The following RPS6KA5 variants were observed in gnomAD, a reference collection of about 807,000 sequenced individuals.
RPS6KA5 encodes ribosomal protein S6 kinase alpha-5.
In RPS6KA5, 27 loss-of-function variants were observed where a neutral mutation model predicts 85.5. The observed-to-expected ratio is 0.32, with a 90% CI of 0.23 to 0.44. The LOEUF is 0.44. Among genes scored for constraint, RPS6KA5 ranks in the 20% least tolerant of loss-of-function variants. The pLI, the probability that RPS6KA5 is intolerant of heterozygous loss-of-function variation, is 1.00. For synonymous variants in RPS6KA5, 334 were observed against 348.2 expected (o/e 0.96, Z 0.46); for missense variants, 811 against 980.9 (o/e 0.83, Z 2.31).
At chr14:90,952,994 G>A (rs950374118) in intron 3 of RPS6KA5, among the ~76,000 whole-genome samples, 2 of 152,078 alleles carry the variant, frequency 1.3e-5, no homozygotes, top group African/African-American at 2.4e-5. Context: ...CTGTTTAATC[G>A]GCTTGTTTTT....
intron 3 of RPS6KA5, among the ~76,000 whole-genome samples, chr14:90,975,008 A>T (rs569606189): frequency 4.6e-5 from 7 of 152,316 alleles, no homozygotes; most frequent in African/African-American, 1.7e-4. Context: ...GATAAAACAC[A>T]CAGATAGACA....
At chr14:91,060,062 A>G (rs1367636381) in intron 1 of RPS6KA5, 1 of 985,290 alleles carries the variant, frequency 1.0e-6, no homozygotes, top group Non-Finnish European at 1.2e-6. Context: ...GGTGCGTGCC[A>G]CGGGCAGCGG....
chr14:90,976,349 C>T (rs1176103807), intron 3 of RPS6KA5, among the ~76,000 whole-genome samples: 1 of 151,962 alleles, frequency 6.6e-6, no homozygotes, highest in African/African-American at 2.4e-5. Flanking sequence ...AGTTTATTGT[C>T]AAGGGAGAAA....
In RPS6KA5 at chr14:91,060,534, G is replaced by A. The variant is rs1354621713; in HGVS notation, c.-100C>T. 1.6e-6 allele frequency: 2 copies of A among 1,224,616 alleles called. No homozygotes were observed. Among genetic ancestry groups the A allele is most frequent in the Non-Finnish European group, 2.1e-6 (2 of 975,156 alleles). The allele number at this position is 1,224,616 out of a possible 1,614,324, so 75.9% of individuals were successfully genotyped here. ...GCCGCTGCCGCGGCCCCAGGAGTCG[G>A]GGTGCGGCGGCTCCAGAACTCGGAC... On this transcript the variant is annotated 5_prime_UTR_variant, in exon 1 of 17. Coordinates refer to ENST00000614987, the MANE Select transcript of RPS6KA5 (RefSeq NM_004755.4).
At chr14:90,974,037 C>CAAAA (rs56212923) in intron 3 of RPS6KA5, among the ~76,000 whole-genome samples, 888 of 61,420 alleles carry the variant, frequency 0.014, 72 homozygotes, top group African/African-American at 0.051. Flanking sequence ...GACTCCATCT[C>CAAAA]AAAAAAAAAA....
At chr14:91,038,412 A>G (rs1453083283) in intron 1 of RPS6KA5, among the ~76,000 whole-genome samples, 2 of 152,228 alleles carry the variant, frequency 1.3e-5, no homozygotes. Context: ...GAGTAATACA[A>G]AATAGAAAAA....
intron 14 of RPS6KA5, among the ~76,000 whole-genome samples, chr14:90,885,176 C>A (rs1032191040): frequency 6.6e-6 from 1 of 150,912 alleles, no homozygotes; most frequent in Admixed American, 6.6e-5. Context: ...TCACCTCAGC[C>A]TGGGAGGTCG....
intron 5 of RPS6KA5, among the ~76,000 whole-genome samples, chr14:90,927,731 G>A (rs888080605): frequency 6.6e-6 from 1 of 151,900 alleles, no homozygotes; most frequent in African/African-American, 2.4e-5. Flanking sequence ...AGATCTTCAA[G>A]GAGAAATGGA....
intron 12 of RPS6KA5, among the ~76,000 whole-genome samples, chr14:90,895,758 C>T (rs997372683): frequency 3.9e-4 from 59 of 152,126 alleles, no homozygotes; most frequent in Admixed American, 3.8e-3. Flanking sequence ...GACATGGTGG[C>T]GCACGCCTAC....
intron 1 of RPS6KA5, among the ~76,000 whole-genome samples, chr14:91,027,752 G>A (rs2050160179): frequency 6.6e-6 from 1 of 152,160 alleles, no homozygotes; most frequent in Non-Finnish European, 1.5e-5. Flanking sequence ...ACTGCCAGTT[G>A]ATGAAGTAGT....
Position 91,059,245 on chromosome 14 carries a change from C to G in RPS6KA5, c.103+1087G>C, listed in dbSNP as rs561929815. Among the ~76,000 whole-genome samples, 6 of 142,434 alleles carry G rather than the reference C, an allele frequency of 4.2e-5. No homozygotes were observed. The South Asian group carries it at 6.7e-4, about 16-fold the overall frequency. The allele number at this position is 142,434 out of a possible 152,430, so 93.4% of individuals were successfully genotyped here. On this transcript the variant is annotated intron_variant, in intron 1 of 16. Coordinates refer to ENST00000614987, the MANE Select transcript of RPS6KA5 (RefSeq NM_004755.4). The stretch of plus-strand genomic sequence containing the variant: ...ATCCTAGCTACTCCGGAGGCTGAGG[C>G]AGGAGAATCGCTTGAACCCGGGAGG...
At chr14:91,052,656 C>G (rs1366443307) in intron 1 of RPS6KA5, among the ~76,000 whole-genome samples, 9 of 147,232 alleles carry the variant, frequency 6.1e-5, no homozygotes, top group African/African-American at 2.3e-4. Context: ...AACCCCGTCT[C>G]TACTAAAAGT....
intron 1 of RPS6KA5, among the ~76,000 whole-genome samples, chr14:91,030,187 G>T (rs1188298839): frequency 6.6e-6 from 1 of 152,148 alleles, no homozygotes; most frequent in African/African-American, 2.4e-5. Context: ...GGAAATGTCT[G>T]AAACGGATTT....
In RPS6KA5 at chr14:90,852,187, C is replaced by G. The variant is rs139820263; in HGVS notation, c.*19887G>C. Reference sequence around the variant, plus strand: ...TTGGCTCACTGCAAGTTCTGCTTCCCGGGTTCACGCCATTCTCCTGCCTCA... The same window carrying G: ...TTGGCTCACTGCAAGTTCTGCTTCCGGGGTTCACGCCATTCTCCTGCCTCA... On this transcript the variant is annotated 3_prime_UTR_variant, in exon 17 of 17. Coordinates refer to ENST00000614987, the MANE Select transcript of RPS6KA5 (RefSeq NM_004755.4). 1 of 145,124 alleles carries G rather than the reference C, an allele frequency of 6.9e-6. No homozygotes were observed. The highest frequency in any genetic ancestry group is 1.5e-5 in the Non-Finnish European group (1 of 66,940). The allele number at this position is 145,124 out of a possible 1,614,324, so 9.0% of individuals were successfully genotyped here.
intron 2 of RPS6KA5, among the ~76,000 whole-genome samples, chr14:90,997,926 T>C (rs2040599455): frequency 1.3e-5 from 2 of 149,780 alleles, no homozygotes; most frequent in South Asian, 4.2e-4. Context: ...GGCAGGGGAA[T>C]TACTTGAACC....
chr14:90,994,412 G>A (rs965026734), intron 2 of RPS6KA5, among the ~76,000 whole-genome samples: 7 of 151,028 alleles, frequency 4.6e-5, no homozygotes, highest in Admixed American at 2.0e-4. Flanking sequence ...GTATTATTCC[G>A]TAATATTACA....
intron 4 of RPS6KA5, among the ~76,000 whole-genome samples, chr14:90,946,113 G>T (rs540578891): frequency 9.3e-4 from 141 of 152,114 alleles, no homozygotes; most frequent in Non-Finnish European, 1.3e-3. Flanking sequence ...ATATTCTTGG[G>T]TCCAATAGTT....
At chr14:90,894,622 A>G in intron 12 of RPS6KA5, 39 bp from the exon 13 acceptor site, 5 of 1,601,734 alleles carry the variant, frequency 3.1e-6, no homozygotes, top group Non-Finnish European at 4.3e-6. Context: ...GCCTTCCTGA[A>G]GCACAGAAGT....
intron 2 of RPS6KA5, among the ~76,000 whole-genome samples, chr14:90,978,791 T>G (rs1352745300): frequency 6.6e-6 from 1 of 152,180 alleles, no homozygotes; most frequent in Non-Finnish European, 1.5e-5. Flanking sequence ...CGCAATATTT[T>G]TAGCTGTAGA....
Sources: allele counts gnomAD v4.1 joint callset (sites outside exome capture counted in the v4.1 genomes callset), GRCh38; gene constraint gnomAD v4.1.1; transcripts MANE v1.5; gene names NCBI Gene and HGNC (gene_info 2026-07-23, HGNC 2026-07-21).